LYZL2: variants seen among roughly 807,000 people sequenced by gnomAD.
LYZL2 encodes the protein lysozyme-like protein 2.
LYZL2 carries 13 observed loss-of-function variants against 17.1 expected under a neutral mutation model. That is an observed-to-expected ratio of 0.76 (90% CI 0.49 to 1.21). LYZL2 has a LOEUF of 1.21. Among genes scored for constraint, LYZL2 ranks in the 50% most tolerant of loss-of-function variants. LYZL2 has a pLI of 0.00. For missense variants in LYZL2, 166 were observed against 189.2 expected, an observed-to-expected ratio of 0.88 and a Z score of 0.72; for synonymous variants, 63 against 74.4, an observed-to-expected ratio of 0.85 and a Z score of 0.79.
At chr10:30,612,094 C>T in intron 4 of LYZL2, 70 bp from the exon 5 acceptor site, 1 of 1,574,652 alleles carries the variant, frequency 6.4e-7, no homozygotes, top group Non-Finnish European at 8.7e-7. Context: ...GTTTCAAAGT[C>T]TACAGAAATT....
intron 3 of LYZL2, among the ~76,000 whole-genome samples, chr10:30,620,571 C>T (rs1313483706): frequency 6.6e-6 from 1 of 152,176 alleles, no homozygotes; most frequent in African/African-American, 2.4e-5. Context: ...CTCACAAGAG[C>T]CGTCAACACA....
intron 3 of LYZL2, among the ~76,000 whole-genome samples, chr10:30,615,881 G>A (rs1838520710): frequency 2.1e-5 from 1 of 48,272 alleles, no homozygotes; most frequent in Non-Finnish European, 4.3e-5. Context: ...AGATAGCACT[G>A]GTTTAGAAAA....
chr10:30,617,674 C>CAAAAAAAAAAAAAAAAAAAAAAAAA (rs1165550893), intron 3 of LYZL2, among the ~76,000 whole-genome samples: 20 of 50,206 alleles, frequency 4.0e-4, no homozygotes, highest in East Asian at 1.1e-3. Flanking sequence ...GACTCTGTCT[C>CAAAAAAAAAAAAAAAAAAAAAAAAA]AAAAAAAAAA....
At chr10:30,609,902 T>A (rs1220064401), downstream of LYZL2, among the ~76,000 whole-genome samples, 1 of 152,186 alleles carries the variant, frequency 6.6e-6, no homozygotes, top group African/African-American at 2.4e-5. Context: ...AAGAGTAGGA[T>A]TGCATGCTTA....
intron 1 of LYZL2, among the ~76,000 whole-genome samples, chr10:30,627,654 G>T (rs1298507151): frequency 6.6e-6 from 1 of 152,014 alleles, no homozygotes; most frequent in Non-Finnish European, 1.5e-5. Flanking sequence ...GTGTTTATTG[G>T]CTGTTCATGT....
chr10:30,627,015 C>T (rs7079130), intron 1 of LYZL2, 75 bp from the exon 2 acceptor site: 198,935 of 1,512,692 alleles, frequency 0.13, 1 homozygote, highest in Middle Eastern at 0.16. Flanking sequence ...TGACTGTGCA[C>T]AGCCCTGCCT....
intron 3 of LYZL2, among the ~76,000 whole-genome samples, chr10:30,613,768 T>G (rs1838485050): frequency 6.6e-6 from 1 of 152,182 alleles, no homozygotes; most frequent in Non-Finnish European, 1.5e-5. Flanking sequence ...CAGGCTGGAG[T>G]GCAGTGGCAT....
At chr10:30,624,694 T>G (rs1049806978) in intron 3 of LYZL2, among the ~76,000 whole-genome samples, 7 of 152,212 alleles carry the variant, frequency 4.6e-5, no homozygotes, top group African/African-American at 1.7e-4. Flanking sequence ...CTGGCTATTT[T>G]TAATTTGTGT....
chr10:30,618,357 C>T (rs1224329544), intron 3 of LYZL2, among the ~76,000 whole-genome samples: 2 of 152,146 alleles, frequency 1.3e-5, no homozygotes, highest in South Asian at 2.1e-4. Context: ...AAAAAGAGCC[C>T]GCATTGTCAA....
At chr10:30,612,499 C>CT (rs200551170) in intron 4 of LYZL2, among the ~76,000 whole-genome samples, 2 of 152,118 alleles carry the variant, frequency 1.3e-5, no homozygotes, top group Non-Finnish European at 2.9e-5. Flanking sequence ...CAAACTCAAG[C>CT]TTTTTTTTCC....
At chr10:30,611,575 GAAAGAAAGAAAGAAAGAAA>G (rs1838438720), downstream of LYZL2, among the ~76,000 whole-genome samples, 1 of 97,692 alleles carries the variant, frequency 1.0e-5, no homozygotes, top group Non-Finnish European at 2.0e-5. Context: ...AGGAAGGAAA[GAAAGAAAGAAAGAAAGAAA>G]GAAAGAAAGA....
chr10:30,611,552 AAGGAAGGAAGGAAGGAAG>A (rs1564405762), downstream of LYZL2, among the ~76,000 whole-genome samples: 13 of 95,244 alleles, frequency 1.4e-4, no homozygotes, highest in East Asian at 2.7e-3. Context: ...GGAAGGAAGG[AAGGAAGGAAGGAAGGAAG>A]GAAAGAAAGA....
chr10:30,628,709 T>C (rs1333550689), intron 1 of LYZL2, among the ~76,000 whole-genome samples: 1 of 152,136 alleles, frequency 6.6e-6, no homozygotes, highest in African/African-American at 2.4e-5. Context: ...ATTCCTGCAT[T>C]GAAAGGCTAG....
intron 3 of LYZL2, among the ~76,000 whole-genome samples, chr10:30,617,713 A>AAG (rs1838557072): frequency 6.6e-6 from 1 of 151,098 alleles, no homozygotes; most frequent in Non-Finnish European, 1.5e-5. Flanking sequence ...AGAAAAAGAA[A>AAG]AAAAAGAAAA....
chr10:30,625,966 A>G (rs1838694858), intron 3 of LYZL2, 139 bp downstream of exon 3: 2 of 1,332,562 alleles, frequency 1.5e-6, no homozygotes, highest in South Asian at 2.9e-5. Context: ...AAACTGTTGC[A>G]TAATTTACCA....
intron 3 of LYZL2, among the ~76,000 whole-genome samples, chr10:30,613,905 G>A (rs1229637601): frequency 1.3e-5 from 2 of 152,180 alleles, no homozygotes; most frequent in Admixed American, 1.3e-4. Context: ...TTTTTGTAGA[G>A]ACAGGGTTTC....
intron 1 of LYZL2, among the ~76,000 whole-genome samples, chr10:30,627,831 T>C (rs1293959833): frequency 6.6e-6 from 1 of 152,116 alleles, no homozygotes; most frequent in Non-Finnish European, 1.5e-5. Flanking sequence ...CAGCCAGAGA[T>C]GAAATACACG....
At chr10:30,611,562 GGAAGGAAGGAAAGAAAGAAA>G (rs1444026244), downstream of LYZL2, among the ~76,000 whole-genome samples, 7 of 83,818 alleles carry the variant, frequency 8.4e-5, no homozygotes, top group East Asian at 7.1e-4. Flanking sequence ...AAGGAAGGAA[GGAAGGAAGGAAAGAAAGAAA>G]GAAAGAAAGA....
chr10:30,616,089 A>T (rs1762782748), intron 3 of LYZL2, among the ~76,000 whole-genome samples: 1 of 152,214 alleles, frequency 6.6e-6, no homozygotes, highest in South Asian at 2.1e-4. Context: ...GTAATTCCAA[A>T]TTATTTTGTT....
Sources: allele counts gnomAD v4.1 joint callset (sites outside exome capture counted in the v4.1 genomes callset), GRCh38; gene constraint gnomAD v4.1.1; transcripts MANE v1.5; gene names NCBI Gene and HGNC (gene_info 2026-07-23, HGNC 2026-07-21).